PYGO1: variants seen among roughly 807,000 people sequenced by gnomAD.
PYGO1 encodes pygopus homolog 1.
In PYGO1, 6 loss-of-function variants were observed where a neutral mutation model predicts 29.5. The observed-to-expected ratio is 0.20, with a 90% confidence interval of 0.11 to 0.40. The LOEUF is 0.40. PYGO1 is among the 10% of genes least tolerant of loss of function. PYGO1 has a pLI of 1.00. For missense variants in PYGO1, 515 were observed against 514.9 expected (o/e 1.00, Z 0.00); for synonymous variants, 186 against 180.5 (o/e 1.03, Z -0.24).
At chr15:55,558,902 AC>A (rs1294362304) in intron 1 of PYGO1, among the ~76,000 whole-genome samples, 1 of 151,884 alleles carries the variant, frequency 6.6e-6, no homozygotes, top group Non-Finnish European at 1.5e-5. Context: ...CCTAGGCAAT[AC>A]CATTCAGGAC....
chr15:55,551,061 T>G (rs115620633), intron 1 of PYGO1, among the ~76,000 whole-genome samples: 1,993 of 152,284 alleles, frequency 0.013, 48 homozygotes, highest in African/African-American at 0.045. Context: ...CTGCTGCTGC[T>G]GATCTGTCAG....
At chr15:55,576,641 G>A (rs372727674) in intron 1 of PYGO1, among the ~76,000 whole-genome samples, 172 of 149,894 alleles carry the variant, frequency 1.1e-3, no homozygotes, top group African/African-American at 4.0e-3. Context: ...CGTGGTGGTG[G>A]GTGCCTGTAA....
intron 1 of PYGO1, among the ~76,000 whole-genome samples, chr15:55,583,313 T>A (rs2083252): frequency 0.07 from 10,690 of 152,098 alleles, 728 homozygotes; most frequent in East Asian, 0.22. Context: ...TTCCAGTTTT[T>A]CCCCTGTCCT....
At chr15:55,582,942 G>A (rs560284168) in intron 1 of PYGO1, among the ~76,000 whole-genome samples, 76 of 151,406 alleles carry the variant, frequency 5.0e-4, no homozygotes, top group Admixed American at 4.3e-3. Context: ...ATATTTTCTT[G>A]TAAAGTCCAT....
intron 1 of PYGO1, among the ~76,000 whole-genome samples, chr15:55,563,486 C>A (rs1339742649): frequency 6.6e-6 from 1 of 151,424 alleles, no homozygotes; most frequent in East Asian, 1.9e-4. Context: ...CCTGCCTTAG[C>A]CTCGTGAATA....
At chr15:55,579,026 T>A (rs1315376942) in intron 1 of PYGO1, among the ~76,000 whole-genome samples, 1 of 152,224 alleles carries the variant, frequency 6.6e-6, no homozygotes, top group South Asian at 2.1e-4. Flanking sequence ...ATTTTAATTT[T>A]AATTTGATGT....
Position 55,546,576 on chromosome 15 carries a change from G to C in PYGO1, c.707C>G (p.Pro236Arg). The C allele has an allele frequency of 1.2e-6, 2 of 1,613,958 alleles. No homozygotes were observed. The highest frequency in any genetic ancestry group is 1.7e-6 in the Non-Finnish European group (2 of 1,179,996). The stretch of plus-strand genomic sequence containing the variant: ...TCCTTGAGTAAAGTCTTGTTTTGGG[G>C]GTGGTGCTTTTGCTTGACCAAAAGT... ...PNTFGQAKAPPPKQDFTQGAT... is the reference protein window; with the variant it reads ...PNTFGQAKAPRPKQDFTQGAT... The change falls in exon 3 of 3, where the codon CCC becomes CGC. Residue 236 changes from proline to arginine, a missense_variant. Coordinates refer to ENST00000563719, the MANE Select transcript of PYGO1 (RefSeq NM_001367806.1).
intron 1 of PYGO1, among the ~76,000 whole-genome samples, chr15:55,556,424 C>A (rs1175141753): frequency 1.3e-5 from 2 of 152,044 alleles, no homozygotes; most frequent in African/African-American, 2.4e-5. Context: ...GAAATTAACA[C>A]AGAAATCAAG....
intron 1 of PYGO1, among the ~76,000 whole-genome samples, chr15:55,570,457 T>A (rs899718486): frequency 4.6e-5 from 7 of 152,252 alleles, no homozygotes; most frequent in African/African-American, 1.7e-4. Context: ...GGAGCTAATA[T>A]TCCTTGCCAT....
chr15:55,548,290 G>C (rs1189014044), intron 2 of PYGO1, among the ~76,000 whole-genome samples: 2 of 151,922 alleles, frequency 1.3e-5, no homozygotes, highest in Non-Finnish European at 2.9e-5. Flanking sequence ...AAAGGGCTGG[G>C]ATTATAGGCA....
intron 1 of PYGO1, among the ~76,000 whole-genome samples, chr15:55,587,022 A>G (rs1273383740): frequency 6.6e-6 from 1 of 152,234 alleles, no homozygotes; most frequent in Non-Finnish European, 1.5e-5. Flanking sequence ...TAGATGTTCA[A>G]TAAATATTTG....
intron 1 of PYGO1, among the ~76,000 whole-genome samples, chr15:55,565,750 A>G (rs1322069068): frequency 6.6e-6 from 1 of 151,820 alleles, no homozygotes; most frequent in African/African-American, 2.4e-5. Flanking sequence ...AAAAAGAAAC[A>G]TATTTATTTC....
rs1422682710 is a variant in PYGO1, at chr15:55,539,044, C to A, written c.*6979G>T. ...TAAACAACATTCCTTATACAACGCA[C>A]AAATAACATTAAGCATTATCCCTGA... is the stretch of plus-strand genomic sequence containing the variant. On this transcript the variant is annotated 3_prime_UTR_variant, in exon 3 of 3. Coordinates refer to ENST00000563719, the MANE Select transcript of PYGO1 (RefSeq NM_001367806.1). The A allele has an allele frequency of 6.6e-6, 1 of 152,100 alleles. No homozygotes were observed. The highest frequency in any genetic ancestry group is 1.5e-5 in the Non-Finnish European group (1 of 68,018). The allele number at this position is 152,100 out of a possible 1,614,324, so 9.4% of individuals were successfully genotyped here.
chr15:55,570,236 C>T (rs2058974816), intron 1 of PYGO1, among the ~76,000 whole-genome samples: 2 of 152,102 alleles, frequency 1.3e-5, no homozygotes, highest in African/African-American at 4.8e-5. Flanking sequence ...ACTCATTTTC[C>T]TTTTTGAATT....
intron 1 of PYGO1, among the ~76,000 whole-genome samples, chr15:55,566,803 T>C (rs1321505289): frequency 6.6e-6 from 1 of 152,210 alleles, no homozygotes. Flanking sequence ...TGATCACAGC[T>C]GACTACAGCC....
intron 1 of PYGO1, among the ~76,000 whole-genome samples, chr15:55,570,929 G>C (rs974621465): frequency 2.0e-5 from 3 of 152,010 alleles, no homozygotes; most frequent in Non-Finnish European, 4.4e-5. Flanking sequence ...CAGTTCAGTG[G>C]TATTAAGTAT....
At chr15:55,566,288 G>C (rs530752972) in intron 1 of PYGO1, among the ~76,000 whole-genome samples, 3 of 151,632 alleles carry the variant, frequency 2.0e-5, no homozygotes, top group Non-Finnish European at 4.4e-5. Context: ...AGTAACCAAT[G>C]TTTAGCTCCC....
chr15:55,548,912 G>A lies in PYGO1; in HGVS notation c.133C>T (p.Gln45Ter). 1.2e-6 allele frequency: 2 copies of A among 1,610,530 alleles called. No homozygotes were observed. Among genetic ancestry groups the A allele is most frequent in the Non-Finnish European group, 1.7e-6 (2 of 1,178,482 alleles). The change falls in exon 2 of 3, where the codon CAG becomes TAG. Residue 45 changes from glutamine (Q) to a stop codon, truncating the protein, a stop_gained and splice_region_variant. Coordinates refer to ENST00000563719, the MANE Select transcript of PYGO1 (RefSeq NM_001367806.1). LOFTEE classifies it high-confidence loss of function. Reference sequence around the variant, plus strand: ...TATTAAAGAAAATGTCAGTTTACCTGTGTATTTGCCTTGCGCTTTTTCTTA... The same window carrying A: ...TATTAAAGAAAATGTCAGTTTACCTATGTATTTGCCTTGCGCTTTTTCTTA... ...PDKKKRKANT[Q>*]GPSFPPLSEY...
chr15:55,551,349 C>T (rs562092936), intron 1 of PYGO1, among the ~76,000 whole-genome samples: 1 of 152,304 alleles, frequency 6.6e-6, no homozygotes, highest in East Asian at 1.9e-4. Flanking sequence ...TTACCACATA[C>T]TTGCTTTGCC....
Sources: allele counts gnomAD v4.1 joint callset (sites outside exome capture counted in the v4.1 genomes callset), GRCh38; gene constraint gnomAD v4.1.1; transcripts MANE v1.5; gene names NCBI Gene and HGNC (gene_info 2026-07-23, HGNC 2026-07-21).